PLG: variants seen among roughly 807,000 people sequenced by gnomAD.
The protein encoded by PLG is plasmin.
A neutral mutation model predicts 104.4 loss-of-function variants in PLG; 41 were observed. That is an observed-to-expected ratio of 0.39 (90% CI 0.31 to 0.51). The LOEUF is 0.51. PLG is among the 20% of genes least tolerant of loss of function. PLG has a pLI of 0.76. For synonymous variants in PLG, 337 were observed against 357.1 expected (o/e 0.94, Z 0.63); for missense variants, 891 against 1,003.6 (o/e 0.89, Z 1.52).
chr6:160,706,294 C>T, intron 1 of PLG, 113 bp from the exon 2 acceptor site: 1 of 1,420,258 alleles, frequency 7.0e-7, no homozygotes, highest in South Asian at 1.2e-5. Context: ...TTCCAGTAAA[C>T]AGAAAGTTTT....
chr6:160,707,602 G>A, intron 2 of PLG, 98 bp from the exon 3 acceptor site: 4 of 1,264,600 alleles, frequency 3.2e-6, no homozygotes, highest in East Asian at 2.4e-5. Flanking sequence ...GGTCCCTCAA[G>A]ATATTCAATG....
chr6:160,707,914 C>T (rs1777561794), intron 3 of PLG, 108 bp downstream of exon 3: 3 of 998,192 alleles, frequency 3.0e-6, no homozygotes, highest in Non-Finnish European at 4.8e-6. Flanking sequence ...AAGGCACTAT[C>T]GTGTTATAAA....
At position 160,737,141 on chromosome 6, in the gene PLG, T is replaced by C; in HGVS notation, c.1802+134T>C. The C allele has an allele frequency of 3.0e-6, 3 of 996,294 alleles. No homozygotes were observed. Among genetic ancestry groups the C allele is most frequent in the Non-Finnish European group, 4.3e-6 (3 of 690,672 alleles). The allele number at this position is 996,294 out of a possible 1,614,324, so 61.7% of individuals were successfully genotyped here. ...AAGTTTTCTGAAGGAGGAAAAAAGCTACAAAAATTAATATATGTATATATA... is the reference window on the plus strand; with the variant it reads ...AAGTTTTCTGAAGGAGGAAAAAAGCCACAAAAATTAATATATGTATATATA... On this transcript the variant is annotated intron_variant, in intron 14 of 18. Coordinates refer to ENST00000308192, the MANE Select transcript of PLG (RefSeq NM_000301.5). The surrounding 1 kb of genome is among the most constrained non-coding windows in gnomAD (Gnocchi z 4.7).
intron 10 of PLG, among the ~76,000 whole-genome samples, chr6:160,727,507 T>G (rs1777938338): frequency 6.7e-6 from 1 of 149,662 alleles, no homozygotes; most frequent in South Asian, 2.1e-4. Context: ...TGAGAAACTA[T>G]AGCACATTAT....
At position 160,744,187 on chromosome 6, in the gene PLG, G is replaced by T. The variant is rs1778242209; in HGVS notation, c.2125+2770G>T. On this transcript the variant is annotated intron_variant, in intron 17 of 18. Coordinates refer to ENST00000308192, the MANE Select transcript of PLG (RefSeq NM_000301.5). The surrounding 1 kb of genome is among the most constrained non-coding windows in gnomAD (Gnocchi z 4.5). ...TGCTGACCTCATAGAATGAATTGGA[G>T]AGGAGACCCTCCTCCTCAGTTTTTT... 6.6e-6 allele frequency among the ~76,000 whole-genome samples: 1 copy of T among 152,210 alleles called. No homozygotes were observed. The highest frequency in any genetic ancestry group is 2.1e-4 in the South Asian group (1 of 4,830).
chr6:160,711,673 T>C (rs557042222), intron 4 of PLG: 7 of 1,610,544 alleles, frequency 4.3e-6, no homozygotes, highest in Admixed American at 1.7e-5. Flanking sequence ...GATATGGAGG[T>C]TTCTTGAAGA....
At chr6:160,745,303 T>G (rs1314985071) in intron 17 of PLG, among the ~76,000 whole-genome samples, 2 of 152,196 alleles carry the variant, frequency 1.3e-5, no homozygotes, top group Non-Finnish European at 2.9e-5. Flanking sequence ...TTTGTAGGTC[T>G]CTAAGAACTT....
Position 160,744,576 on chromosome 6 carries a change from C to T in PLG, c.2125+3159C>T, listed in dbSNP as rs889443012. Among the ~76,000 whole-genome samples the T allele has an allele frequency of 1.3e-5, 2 of 152,048 alleles. No homozygotes were observed. Among genetic ancestry groups the T allele is most frequent in the African/African-American group, 4.8e-5 (2 of 41,420 alleles). The stretch of plus-strand genomic sequence containing the variant: ...TTTTCTTCATTAGCCTAGCTAGCAG[C>T]CTACCTATCTTATTACTGTTTTCAA... On this transcript the variant is annotated intron_variant, in intron 17 of 18. Coordinates refer to ENST00000308192, the MANE Select transcript of PLG (RefSeq NM_000301.5). The surrounding 1 kb of genome is among the most constrained non-coding windows in gnomAD (Gnocchi z 4.5).
At position 160,731,094 on chromosome 6, in the gene PLG, G is replaced by T; in HGVS notation, c.1300G>T (p.Gly434Cys). The change falls in exon 11 of 19, where the codon GGC becomes TGC. Residue 434 changes from glycine (G) to cysteine (C), a missense_variant. Coordinates refer to ENST00000308192, the MANE Select transcript of PLG (RefSeq NM_000301.5). The surrounding 1 kb of genome is among the most constrained non-coding windows in gnomAD (Gnocchi z 5.1). Reference protein sequence around the residue: ...NYCRNPDADKGPWCFTTDPSV... With the variant: ...NYCRNPDADKCPWCFTTDPSV... The stretch of plus-strand genomic sequence containing the variant: ...CTGCAGGAATCCAGATGCCGATAAA[G>T]GCCCCTGGTGTTTTACCACAGACCC... 4 of 1,614,040 alleles carry T rather than the reference G, an allele frequency of 2.5e-6. No individual in the cohort carries two copies. The highest frequency in any genetic ancestry group is 3.4e-6 in the Non-Finnish European group (4 of 1,179,958).
rs115230340 is a variant in PLG at position 160,732,504 on chromosome 6, G to A, written c.1587+611G>A. 1.1e-3 allele frequency among the ~76,000 whole-genome samples: 170 copies of A among 152,202 alleles called. 1 individual carries two copies. Among genetic ancestry groups the A allele is most frequent in the African/African-American group, 3.9e-3 (163 of 41,520 alleles). ...GCTGGGTGTCCTACAATGTAACTCA[G>A]TGCTGACACTCTATCTGGAGACAGT... On this transcript the variant is annotated intron_variant, in intron 12 of 18. Coordinates refer to ENST00000308192, the MANE Select transcript of PLG (RefSeq NM_000301.5). The surrounding 1 kb of genome is among the most constrained non-coding windows in gnomAD (Gnocchi z 4.5).
rs978773938 is a variant in PLG, at chr6:160,738,310, T to C, written c.1803-228T>C. On this transcript the variant is annotated intron_variant, in intron 14 of 18. Coordinates refer to ENST00000308192, the MANE Select transcript of PLG (RefSeq NM_000301.5). This position sits in a 1 kb window ranked among gnomAD's most constrained non-coding sequence, Gnocchi z 6.8. The stretch of plus-strand genomic sequence containing the variant: ...CTCTCCTGTGGACAGGCCATGCCTG[T>C]GCCTCCCCCAAGCATCGGAAAAATT... 2.9e-5 allele frequency: 16 copies of C among 552,556 alleles called. No homozygotes were observed. The highest frequency in any genetic ancestry group is 7.5e-5 in the Admixed American group (3 of 39,976). The allele number at this position is 552,556 out of a possible 1,614,324, so 34.2% of individuals were successfully genotyped here.
At chr6:160,711,453 A>G (rs4252083) in intron 4 of PLG, 1 of 920,814 alleles carries the variant, frequency 1.1e-6, no homozygotes, top group East Asian at 2.6e-5. Flanking sequence ...ATTTTCTGTC[A>G]TCTTTTTCAA....
At chr6:160,720,225 T>C (rs1777805066) in intron 9 of PLG, among the ~76,000 whole-genome samples, 1 of 152,094 alleles carries the variant, frequency 6.6e-6, no homozygotes, top group African/African-American at 2.4e-5. Context: ...CTGATCTTTG[T>C]TCCTATGTTT....
At chr6:160,718,016 C>A (rs1410021050) in intron 7 of PLG, among the ~76,000 whole-genome samples, 1 of 152,198 alleles carries the variant, frequency 6.6e-6, no homozygotes, top group Non-Finnish European at 1.5e-5. Context: ...CTTCCGGAGG[C>A]CGAGGTGGGC....
At chr6:160,714,357 A>C (rs1373697903) in intron 5 of PLG, among the ~76,000 whole-genome samples, 1 of 152,222 alleles carries the variant, frequency 6.6e-6, no homozygotes, top group Admixed American at 6.5e-5. Flanking sequence ...TTCAGCAGTC[A>C]GCGGAATGAT....
intron 1 of PLG, among the ~76,000 whole-genome samples, chr6:160,703,292 A>T (rs538449146): frequency 6.4e-4 from 97 of 152,130 alleles, no homozygotes; most frequent in Middle Eastern, 3.4e-3. Context: ...CTTTATTGAG[A>T]TATAATTAAC....
rs895705678 is a variant in PLG, at chr6:160,739,310, G to A, written c.2018+102G>A. On this transcript the variant is annotated intron_variant, in intron 16 of 18. Transcript: ENST00000308192. This position sits in a 1 kb window ranked among gnomAD's most constrained non-coding sequence, Gnocchi z 4.4. ...CACTGCATGGCAGTGGGGAGGAACTGTCTATCACATGAAAGGCTCAAGGGC... is the reference window on the plus strand; with the variant it reads ...CACTGCATGGCAGTGGGGAGGAACTATCTATCACATGAAAGGCTCAAGGGC... 2.0e-6 allele frequency: 3 copies of A among 1,472,802 alleles called. No homozygotes were observed. In the East Asian group the frequency reaches 6.8e-5, roughly 34 times the overall value. 91.2% of individuals were successfully genotyped at this position (1,472,802 alleles called of 1,614,324 possible).
chr6:160,753,220 C>T lies in PLG; in HGVS notation c.*159C>T, dbSNP rs1778439086. 1 of 612,566 alleles carries T rather than the reference C, an allele frequency of 1.6e-6. No individual in the cohort carries two copies. The highest frequency in any genetic ancestry group is 2.8e-5 in the Admixed American group (1 of 35,426). 37.9% of individuals were successfully genotyped at this position (612,566 alleles called of 1,614,324 possible). A position where few individuals can be genotyped will look rare whatever the true frequency, so the allele number is the denominator to read the frequency against. On this transcript the variant is annotated 3_prime_UTR_variant, in exon 19 of 19. Coordinates refer to ENST00000308192, the MANE Select transcript of PLG (RefSeq NM_000301.5). This position sits in a 1 kb window ranked among gnomAD's most constrained non-coding sequence, Gnocchi z 5.4. Reference sequence around the variant, plus strand: ...CATTTTTTGTGTTATTTTCTGACTGCTGGATTCTGTAGTAAGGTGACATAG... The same window carrying T: ...CATTTTTTGTGTTATTTTCTGACTGTTGGATTCTGTAGTAAGGTGACATAG...
rs1419759880 is a variant in PLG, at chr6:160,731,786, G to A, written c.1480G>A (p.Ala494Thr). The A allele has an allele frequency of 9.9e-6, 16 of 1,613,898 alleles. No homozygotes were observed. The highest frequency in any genetic ancestry group is 1.4e-5 in the Non-Finnish European group (16 of 1,179,930). Residue 494 changes from alanine (A) to threonine (T), a missense_variant, in exon 12 of 19, where the codon GCG (alanine) becomes ACG (threonine). By Grantham distance (58) the Ala-to-Thr change is moderately conservative. Transcript: ENST00000308192. The surrounding 1 kb of genome is among the most constrained non-coding windows in gnomAD (Gnocchi z 5.1). Reference sequence around the variant, plus strand: ...TGGGAAAGGATACCGAGGCAAGAGGGCGACCACTGTTACTGGGACGCCATG... The same window carrying A: ...TGGGAAAGGATACCGAGGCAAGAGGACGACCACTGTTACTGGGACGCCATG... The part of the protein sequence containing the change: ...GNGKGYRGKR[A>T]TTVTGTPCQD...
Sources: allele counts gnomAD v4.1 joint callset (sites outside exome capture counted in the v4.1 genomes callset), GRCh38; gene constraint gnomAD v4.1.1; non-coding constraint Gnocchi (gnomAD v3.1); transcripts MANE v1.5; gene names NCBI Gene and HGNC (gene_info 2026-07-23, HGNC 2026-07-21).